The following GLYR1 variants were observed in gnomAD, a reference collection of about 807,000 sequenced individuals.
The protein encoded by GLYR1 is cytokine-like nuclear factor N-PAC.
GLYR1 carries 21 observed loss-of-function variants against 72.7 expected under a neutral mutation model. That is an observed-to-expected ratio of 0.29 (90% confidence interval 0.20 to 0.42). The LOEUF is 0.42. GLYR1 is among the 10% of genes least tolerant of loss of function. The probability of loss-of-function intolerance (pLI) is 1.00; values close to 1 mark genes in which losing one functional copy is unlikely to be tolerated. For missense variants in GLYR1, 594 were observed against 712.1 expected (o/e 0.83, Z 1.89); for synonymous variants, 392 against 270.2 (o/e 1.45, Z -4.42).
rs981530577 is a variant in GLYR1, at chr16:4,804,638, C to T, written c.*598G>A. On this transcript the variant is annotated 3_prime_UTR_variant, in exon 16 of 16. Coordinates refer to ENST00000321919, the MANE Select transcript of GLYR1 (RefSeq NM_032569.4). ...TATGGAGCGCTGGGTGCACACTGGA[C>T]GCTTAGACGTGAACATCTTTCTCAG... is the stretch of plus-strand genomic sequence containing the variant. 9.6e-5 allele frequency: 15 copies of T among 156,044 alleles called. No homozygotes were observed. The highest frequency in any genetic ancestry group is 1.4e-4 in the Non-Finnish European group (10 of 70,132). 9.7% of individuals were successfully genotyped at this position (156,044 alleles called of 1,614,324 possible).
chr16:4,832,620 TA>T, intron 4 of GLYR1, 153 bp downstream of exon 4: 2 of 938,262 alleles, frequency 2.1e-6, no homozygotes, highest in Admixed American at 2.7e-5. Flanking sequence ...TTCAAACTGA[TA>T]AGCAAAACGC....
intron 3 of GLYR1, among the ~76,000 whole-genome samples, chr16:4,844,173 T>C (rs2085775875): frequency 6.7e-6 from 1 of 149,196 alleles, no homozygotes; most frequent in South Asian, 2.1e-4. Context: ...CCACTTGACA[T>C]AGTGATAAAA....
chr16:4,813,716 C>T (rs138861473), intron 12 of GLYR1, 21 bp downstream of exon 12: 7 of 1,566,938 alleles, frequency 4.5e-6, no homozygotes, highest in Non-Finnish European at 6.1e-6. Flanking sequence ...GCTGGAGAGC[C>T]AGCCCAAGGA....
In GLYR1 at chr16:4,811,783, G is replaced by C. The variant is rs1200456397; in HGVS notation, c.1302C>G (p.Ala434=). ...CCATGTTCACGATCAGCATCATCTT[G>C]GCTGCATTGCCCACTTCACCTGCCC... ...SFFLGEVGNA[A]KMMLIVNMVQ... The change falls in exon 14 of 16, where the codon GCC becomes GCG. Residue 434 remains alanine, a synonymous_variant. Transcript: ENST00000321919. The C allele has an allele frequency of 1.2e-6, 2 of 1,613,406 alleles. No homozygotes were observed. Among genetic ancestry groups the C allele is most frequent in the Admixed American group, 1.7e-5 (1 of 59,896 alleles).
chr16:4,805,235 C>G lies in GLYR1; in HGVS notation c.*1G>C, dbSNP rs947765984. 1.9e-6 allele frequency: 3 copies of G among 1,613,900 alleles called. No homozygotes were observed. The highest frequency in any genetic ancestry group is 2.5e-6 in the Non-Finnish European group (3 of 1,179,924). On this transcript the variant is annotated 3_prime_UTR_variant, in exon 16 of 16. Transcript: ENST00000321919. ...AGGGGTGAGGGCGGGGTGTCGACAG[C>G]TTAGTGTATGTAGGCTCGGTACACG...
intron 15 of GLYR1, among the ~76,000 whole-genome samples, chr16:4,809,189 T>G (rs1354980300): frequency 4.7e-5 from 2 of 42,374 alleles, no homozygotes; most frequent in East Asian, 4.3e-4. Context: ...GCAGCTTTCG[T>G]TTTTTTTTTT....
In GLYR1 at chr16:4,830,689, G is replaced by A. The variant is rs188414374; in HGVS notation, c.537+1290C>T. Among the ~76,000 whole-genome samples the A allele has an allele frequency of 2.7e-3, 411 of 152,204 alleles. 5 individuals are homozygous for A. Among genetic ancestry groups the A allele is most frequent in the Admixed American group, 3.8e-3 (58 of 15,284 alleles). Reference sequence around the variant, plus strand: ...TTATCCTGCTGTTGACAATCCTACCGCGTTCCTGACACAGTCCCCTTCACT... The same window carrying A: ...TTATCCTGCTGTTGACAATCCTACCACGTTCCTGACACAGTCCCCTTCACT... On this transcript the variant is annotated intron_variant, in intron 5 of 15. Coordinates refer to ENST00000321919, the MANE Select transcript of GLYR1 (RefSeq NM_032569.4).
chr16:4,840,694 A>G (rs1459359229), intron 3 of GLYR1, among the ~76,000 whole-genome samples: 1 of 152,174 alleles, frequency 6.6e-6, no homozygotes, highest in East Asian at 1.9e-4. Flanking sequence ...ACTATGAGGT[A>G]GGGGGTATCA....
intron 5 of GLYR1, among the ~76,000 whole-genome samples, chr16:4,824,324 C>T (rs988336751): frequency 2.0e-5 from 3 of 151,788 alleles, no homozygotes; most frequent in Non-Finnish European, 4.4e-5. Flanking sequence ...ACCAGCCTGG[C>T]CAACACGGTG....
intron 6 of GLYR1, 102 bp from the exon 7 acceptor site, chr16:4,823,033 T>C: frequency 1.1e-6 from 1 of 950,208 alleles, no homozygotes; most frequent in Non-Finnish European, 1.7e-6. Flanking sequence ...CACCTCTGGA[T>C]TCTGGTCTCT....
intron 10 of GLYR1, among the ~76,000 whole-genome samples, chr16:4,816,688 TA>T (rs2083660535): frequency 6.6e-6 from 1 of 152,066 alleles, no homozygotes; most frequent in African/African-American, 2.4e-5. Flanking sequence ...GGTTTTCTTT[TA>T]AAAAATTACT....
At position 4,811,774 on chromosome 16, in the gene GLYR1, C is replaced by T. The variant is rs1266246018; in HGVS notation, c.1311G>A (p.Met437Ile). 1 of 1,613,898 alleles carries T rather than the reference C, an allele frequency of 6.2e-7. No homozygotes were observed. ...LGEVGNAAKM[M>I]LIVNMVQGSF... ...TCCCTTGGACCATGTTCACGATCAGCATCATCTTGGCTGCATTGCCCACTT... is the reference window on the plus strand; with the variant it reads ...TCCCTTGGACCATGTTCACGATCAGTATCATCTTGGCTGCATTGCCCACTT... Residue 437 changes from methionine to isoleucine, a missense_variant, in exon 14 of 16, where the codon ATG becomes ATA. Met to Ile is a conservative substitution (Grantham distance 10). Coordinates refer to ENST00000321919, the MANE Select transcript of GLYR1 (RefSeq NM_032569.4).
intron 11 of GLYR1, among the ~76,000 whole-genome samples, chr16:4,814,146 A>G (rs961660766): frequency 6.6e-6 from 1 of 152,276 alleles, no homozygotes; most frequent in African/African-American, 2.4e-5. Flanking sequence ...TACTTGGATT[A>G]GGCTAGTCAC....
intron 2 of GLYR1, 97 bp downstream of exon 2, chr16:4,846,076 AT>A (rs1380444173): frequency 5.1e-6 from 7 of 1,370,758 alleles, no homozygotes; most frequent in Non-Finnish European, 7.3e-6. Flanking sequence ...AATGAGCCCA[AT>A]TTAACTCAAT....
chr16:4,814,227 G>A (rs1468718280), intron 11 of GLYR1, among the ~76,000 whole-genome samples: 1 of 152,192 alleles, frequency 6.6e-6, no homozygotes, highest in Non-Finnish European at 1.5e-5. Context: ...AAACATAGAA[G>A]CTTGGCACCT....
intron 9 of GLYR1, among the ~76,000 whole-genome samples, chr16:4,818,198 T>C (rs2141976032): frequency 6.6e-6 from 1 of 152,306 alleles, no homozygotes; most frequent in South Asian, 2.1e-4. Context: ...TTTCACCATG[T>C]TGGCCAGGCT....
chr16:4,817,792 T>C lies in GLYR1; in HGVS notation c.807-95A>G, dbSNP rs142244710. ...CACAAGGCTCGCTCCCTTATACAGC[T>C]TGGGGTAGGGGAATTCAGACTGCCA... On this transcript the variant is annotated intron_variant, in intron 9 of 15. Coordinates refer to ENST00000321919, the MANE Select transcript of GLYR1 (RefSeq NM_032569.4). 2.6e-4 allele frequency: 207 copies of C among 796,560 alleles called. No individual in the cohort carries two copies. The African/African-American group carries it at 3.2e-3, about 12-fold the overall frequency. 49.3% of individuals were successfully genotyped at this position (796,560 alleles called of 1,614,324 possible). A position where few individuals can be genotyped will look rare whatever the true frequency, so the allele number is the denominator to read the frequency against.
rs147198447 is a variant in GLYR1, at chr16:4,811,576, C to T, written c.1462+47G>A. ...ACTAAATCCCTGACCTAGTACCCTG[C>T]TCTAATCAAACACCAAATGCAAGAA... On this transcript the variant is annotated intron_variant, in intron 14 of 15. Transcript: ENST00000321919. 1,007 of 1,605,146 alleles carry T rather than the reference C, an allele frequency of 6.3e-4. 12 individuals are homozygous for T. In the East Asian group the frequency reaches 0.018, roughly 28 times the overall value.
intron 7 of GLYR1, 117 bp downstream of exon 7, chr16:4,822,758 G>T: frequency 1.2e-6 from 1 of 831,004 alleles, no homozygotes; most frequent in Non-Finnish European, 2.0e-6. Flanking sequence ...TGGGCTAGTT[G>T]CTCTGGGCAA....
Sources: gnomAD v4.1 joint callset for allele counts (sites outside exome capture counted in the v4.1 genomes callset) on GRCh38, gnomAD v4.1.1 for gene constraint, MANE v1.5 for transcripts, NCBI Gene and HGNC (gene_info 2026-07-23, HGNC 2026-07-21) for gene names.